NRXN3: variants seen among roughly 807,000 people sequenced by gnomAD.
NRXN3 encodes the protein neurexin III.
NRXN3 carries 32 observed loss-of-function variants against 137.6 expected under a neutral mutation model. The ratio of observed to expected loss-of-function variants is 0.23; its 90% CI spans 0.18 to 0.31. The LOEUF is 0.31. NRXN3 is among the 10% of genes least tolerant of loss of function. NRXN3 has a pLI of 1.00. For missense variants in NRXN3, 1,574 were observed against 2,062.5 expected, an observed-to-expected ratio of 0.76 and a Z score of 4.59; for synonymous variants, 798 against 784.5, an observed-to-expected ratio of 1.02 and a Z score of -0.29.
At chr14:78,775,691 A>T (rs1276282464) in intron 8 of NRXN3, among the ~76,000 whole-genome samples, 1 of 152,172 alleles carries the variant, frequency 6.6e-6, no homozygotes, top group Non-Finnish European at 1.5e-5. Context: ...TATATCATAA[A>T]CTATTCTCTT....
intron 16 of NRXN3, among the ~76,000 whole-genome samples, chr14:79,608,979 A>G (rs1269018853): frequency 6.6e-6 from 1 of 152,220 alleles, no homozygotes; most frequent in East Asian, 1.9e-4. Context: ...CTCTAGATCT[A>G]TAATGTTTAT....
At position 79,622,487 on chromosome 14, in the gene NRXN3, A is replaced by G. The variant is rs1221329487; in HGVS notation, c.3445-41291A>G. The stretch of plus-strand genomic sequence containing the variant: ...TTATTGTACCTGTATGACAGGGTCA[A>G]TGAAAGGTTAAATGAGTGAAGATAC... On this transcript the variant is annotated intron_variant, in intron 16 of 20. Transcript: ENST00000335750. 9.2e-5 allele frequency among the ~76,000 whole-genome samples: 14 copies of G among 152,236 alleles called. 1 individual carries two copies. The highest frequency in any genetic ancestry group is 1.6e-4 in the Non-Finnish European group (11 of 68,050).
chr14:79,201,634 G>A (rs888916101), intron 15 of NRXN3: 37 of 152,144 alleles, frequency 2.4e-4, no homozygotes, highest in Admixed American at 2.0e-4. Context: ...GAAAGACTCT[G>A]GGTATTAATT....
At chr14:78,195,512 A>C (rs1360003935) in intron 1 of NRXN3, among the ~76,000 whole-genome samples, 2 of 152,228 alleles carry the variant, frequency 1.3e-5, no homozygotes, top group African/African-American at 2.4e-5. Flanking sequence ...AGTGACTGCC[A>C]GGAAGGAAAT....
chr14:78,601,863 T>C (rs60238041), intron 4 of NRXN3, among the ~76,000 whole-genome samples: 2,082 of 152,332 alleles, frequency 0.014, 25 homozygotes, highest in South Asian at 0.059. Flanking sequence ...CTATTTATTC[T>C]CCCTCCAGTC....
At chr14:79,070,967 T>C (rs944618948) in intron 15 of NRXN3, among the ~76,000 whole-genome samples, 2 of 152,212 alleles carry the variant, frequency 1.3e-5, no homozygotes, top group African/African-American at 4.8e-5. Context: ...ATTAAGGCTA[T>C]GCATAGCAAT....
intron 8 of NRXN3, among the ~76,000 whole-genome samples, chr14:78,778,395 T>C (rs138238500): frequency 5.1e-4 from 77 of 152,322 alleles, no homozygotes; most frequent in African/African-American, 1.7e-3. Flanking sequence ...ATCAGATAAA[T>C]ACTGCTTCCT....
At chr14:79,089,356 G>A (rs1036814916) in intron 15 of NRXN3, among the ~76,000 whole-genome samples, 1 of 152,106 alleles carries the variant, frequency 6.6e-6, no homozygotes, top group Non-Finnish European at 1.5e-5. Context: ...TTGGTAAGAA[G>A]GTTGTTTGCT....
In NRXN3 at chr14:79,669,746, C is replaced by T. The variant is rs181812490; in HGVS notation, c.3616+5797C>T. Among the ~76,000 whole-genome samples the T allele has an allele frequency of 1.8e-4, 27 of 152,108 alleles. No individual in the cohort carries two copies. The East Asian group carries it at 4.3e-3, about 24-fold the overall frequency. On this transcript the variant is annotated intron_variant, in intron 17 of 20. Transcript: ENST00000335750. ...TCCATGGATCAGCAGCATCAGCTTC[C>T]CCTGGGAGCTTGTTAAAAATGCAGA...
rs143557351 is a variant in NRXN3, at chr14:78,813,524, T to C, written c.2275+3180T>C. 7.0e-3 allele frequency among the ~76,000 whole-genome samples: 1,061 copies of C among 152,224 alleles called. 12 individuals are homozygous for C. Among genetic ancestry groups the C allele is most frequent in the African/African-American group, 0.022 (920 of 41,534 alleles). ...TTCAAAACAGAGCTTCTTTTTTTTT[T>C]CCCCCTTGAAGGGAAATACTGAATT... On this transcript the variant is annotated intron_variant, in intron 10 of 20. Coordinates refer to ENST00000335750, the MANE Select transcript of NRXN3 (RefSeq NM_001330195.2).
intron 4 of NRXN3, among the ~76,000 whole-genome samples, chr14:78,411,744 C>T (rs529838300): frequency 1.3e-5 from 2 of 152,180 alleles, no homozygotes; most frequent in South Asian, 2.1e-4. Context: ...GTTCTCCCTG[C>T]ACCTCCCCCT....
At chr14:79,715,380 G>A (rs1031115846) in intron 19 of NRXN3, among the ~76,000 whole-genome samples, 5 of 152,198 alleles carry the variant, frequency 3.3e-5, no homozygotes, top group African/African-American at 1.2e-4. Context: ...GACCCAGGTG[G>A]TGATGGAAGT....
At chr14:79,060,199 G>A (rs181844046) in intron 15 of NRXN3, among the ~76,000 whole-genome samples, 1 of 152,370 alleles carries the variant, frequency 6.6e-6, no homozygotes, top group Non-Finnish European at 1.5e-5. Context: ...TGTTGGAGGA[G>A]AGAATCTTTA....
At chr14:79,802,222 C>T (rs2099184530) in intron 19 of NRXN3, among the ~76,000 whole-genome samples, 1 of 152,086 alleles carries the variant, frequency 6.6e-6, no homozygotes, top group South Asian at 2.1e-4. Context: ...GCTTTCAGTT[C>T]TTGAAAGGAG....
chr14:78,315,901 A>G (rs563385376), intron 4 of NRXN3, among the ~76,000 whole-genome samples: 1 of 152,172 alleles, frequency 6.6e-6, no homozygotes, highest in African/African-American at 2.4e-5. Context: ...ACTGATGGCA[A>G]CTCATTTTAG....
intron 15 of NRXN3, among the ~76,000 whole-genome samples, chr14:79,371,688 C>T (rs1212540222): frequency 6.6e-6 from 1 of 152,080 alleles, no homozygotes; most frequent in Non-Finnish European, 1.5e-5. Context: ...TTGATAAGAT[C>T]TATCAATGAT....
chr14:79,605,407 T>C (rs1293283657), intron 16 of NRXN3, among the ~76,000 whole-genome samples: 2 of 152,146 alleles, frequency 1.3e-5, no homozygotes, highest in African/African-American at 4.8e-5. Flanking sequence ...GAAGGAGTCT[T>C]AGGGTGTGGA....
intron 6 of NRXN3, chr14:78,703,880 G>T (rs1221814202): frequency 4.6e-5 from 7 of 152,212 alleles, no homozygotes; most frequent in South Asian, 2.1e-4. Flanking sequence ...CAAGAGAAAA[G>T]AAAGACCAGG....
chr14:79,668,818 A>G (rs528500204), intron 17 of NRXN3, among the ~76,000 whole-genome samples: 1 of 152,192 alleles, frequency 6.6e-6, no homozygotes, highest in East Asian at 1.9e-4. Context: ...TCTGGTCAGC[A>G]AAATCACCCC....
Sources: allele counts gnomAD v4.1 joint callset (sites outside exome capture counted in the v4.1 genomes callset), GRCh38; gene constraint gnomAD v4.1.1; transcripts MANE v1.5; gene names NCBI Gene and HGNC (gene_info 2026-07-23, HGNC 2026-07-21).